Variants in FSIP1 observed in about 807,000 individuals in gnomAD.
FSIP1 encodes fibrous sheath interacting protein 1, also known as fibrous sheath-interacting protein 1.
Under a neutral mutation model 60.9 loss-of-function variants are expected in FSIP1, and 65 were observed. That is an observed-to-expected ratio of 1.07 (90% CI 0.87 to 1.31). The LOEUF is 1.31. Ranked by LOEUF, FSIP1 falls within the 40% of genes most tolerant of loss-of-function variation. The probability of loss-of-function intolerance (pLI) is 0.00; values close to 1 mark genes in which losing one functional copy is unlikely to be tolerated. For missense variants in FSIP1, 675 were observed against 665.5 expected, an observed-to-expected ratio of 1.01 and a Z score of -0.16; for synonymous variants, 209 against 221.2, an observed-to-expected ratio of 0.94 and a Z score of 0.49.
At chr15:39,706,848 T>C (rs939908499) in intron 10 of FSIP1, among the ~76,000 whole-genome samples, 15 of 152,244 alleles carry the variant, frequency 9.9e-5, no homozygotes, top group South Asian at 6.2e-4. Context: ...ACACTGATCA[T>C]TGTCTTCTGC....
chr15:39,771,624 C>G (rs556791672), intron 2 of FSIP1, among the ~76,000 whole-genome samples: 1 of 152,272 alleles, frequency 6.6e-6, no homozygotes, highest in Non-Finnish European at 1.5e-5. Context: ...TCATGGCCTG[C>G]CTCATTCGCT....
chr15:39,725,851 A>G (rs940296576), intron 9 of FSIP1, among the ~76,000 whole-genome samples: 1 of 151,078 alleles, frequency 6.6e-6, no homozygotes, highest in Non-Finnish European at 1.5e-5. Flanking sequence ...GCGGCACTAT[A>G]TCAGCTCACT....
At chr15:39,653,562 T>C (rs1254567834) in intron 10 of FSIP1, among the ~76,000 whole-genome samples, 1 of 152,230 alleles carries the variant, frequency 6.6e-6, no homozygotes. Flanking sequence ...TTTGGCTCTA[T>C]GTTCCTGCCC....
At chr15:39,608,650 C>T (rs1890913855) in intron 11 of FSIP1, among the ~76,000 whole-genome samples, 1 of 152,128 alleles carries the variant, frequency 6.6e-6, no homozygotes, top group African/African-American at 2.4e-5. Context: ...GCAAACCACA[C>T]CCATCTAACT....
chr15:39,706,599 C>A (rs970628253), intron 10 of FSIP1, among the ~76,000 whole-genome samples: 1 of 152,114 alleles, frequency 6.6e-6, no homozygotes. Flanking sequence ...TGTTTATAGA[C>A]ACAACATATG....
chr15:39,766,183 A>C (rs1399876969), intron 3 of FSIP1, among the ~76,000 whole-genome samples: 3 of 152,252 alleles, frequency 2.0e-5, no homozygotes, highest in Non-Finnish European at 2.9e-5. Context: ...AAATGGCTAC[A>C]GTAGAAAGCC....
chr15:39,626,590 T>C (rs1891648627), intron 10 of FSIP1, among the ~76,000 whole-genome samples: 1 of 152,038 alleles, frequency 6.6e-6, no homozygotes, highest in African/African-American at 2.4e-5. Context: ...ACAGGGGTGG[T>C]TTCCCCCATG....
chr15:39,752,283 G>A (rs921664207), intron 5 of FSIP1, among the ~76,000 whole-genome samples: 3 of 151,876 alleles, frequency 2.0e-5, no homozygotes, highest in Non-Finnish European at 4.4e-5. Flanking sequence ...TGGTAAGTTA[G>A]AGATCCAGTT....
intron 10 of FSIP1, among the ~76,000 whole-genome samples, chr15:39,633,117 G>T (rs1335837670): frequency 1.1e-5 from 1 of 91,762 alleles, no homozygotes; most frequent in African/African-American, 5.4e-5. Context: ...TTTTTGAGAT[G>T]GAATCTTGCT....
intron 8 of FSIP1, among the ~76,000 whole-genome samples, chr15:39,732,908 T>C (rs918248139): frequency 2.6e-5 from 4 of 152,210 alleles, no homozygotes; most frequent in Non-Finnish European, 5.9e-5. Context: ...TCCTAAACTT[T>C]TCCTGCGGCA....
chr15:39,685,046 G>A (rs1383386952), intron 10 of FSIP1, among the ~76,000 whole-genome samples: 1 of 152,142 alleles, frequency 6.6e-6, no homozygotes, highest in African/African-American at 2.4e-5. Context: ...CTATTTTTGT[G>A]TATTTTTCTC....
chr15:39,778,950 TAGTA>T (rs1898155263), intron 1 of FSIP1, among the ~76,000 whole-genome samples: 3 of 152,198 alleles, frequency 2.0e-5, no homozygotes, highest in East Asian at 3.9e-4. Flanking sequence ...ATTAATGACT[TAGTA>T]AGCGTGATAC....
intron 10 of FSIP1, among the ~76,000 whole-genome samples, chr15:39,656,339 T>C (rs1893068834): frequency 6.6e-6 from 1 of 152,204 alleles, no homozygotes; most frequent in Admixed American, 6.5e-5. Flanking sequence ...AGGTGTACAA[T>C]ATTCCTTATA....
At chr15:39,663,618 A>C (rs1261832283) in intron 10 of FSIP1, among the ~76,000 whole-genome samples, 2 of 152,180 alleles carry the variant, frequency 1.3e-5, no homozygotes, top group East Asian at 3.8e-4. Flanking sequence ...AAGGTTAGGA[A>C]TGAAAATGGA....
At chr15:39,771,596 T>C (rs553986892) in intron 2 of FSIP1, among the ~76,000 whole-genome samples, 13 of 152,328 alleles carry the variant, frequency 8.5e-5, no homozygotes, top group Admixed American at 3.3e-4. Flanking sequence ...CCATCATTTA[T>C]TGAAGAATTA....
chr15:39,668,352 A>C (rs1480512695), intron 10 of FSIP1, among the ~76,000 whole-genome samples: 1 of 152,126 alleles, frequency 6.6e-6, no homozygotes, highest in Admixed American at 6.5e-5. Context: ...CCCACCTTGC[A>C]GAAGCAATTT....
chr15:39,615,666 T>A (rs1448812995), intron 11 of FSIP1, among the ~76,000 whole-genome samples: 1 of 148,110 alleles, frequency 6.8e-6, no homozygotes, highest in African/African-American at 2.5e-5. Context: ...GGTGGGCAGA[T>A]CAAGAGGTGA....
chr15:39,713,412 TA>T (rs750117823), intron 10 of FSIP1, 31 bp downstream of exon 10: 18 of 1,563,008 alleles, frequency 1.2e-5, no homozygotes, highest in Admixed American at 4.0e-5. Context: ...ATTTTTTTCT[TA>T]AAAAAAATTA....
chr15:39,611,108 C>A (rs1311072585), intron 11 of FSIP1, among the ~76,000 whole-genome samples: 5 of 152,096 alleles, frequency 3.3e-5, no homozygotes, highest in Non-Finnish European at 7.3e-5. Flanking sequence ...AAGGAATTTT[C>A]TCTGTATTAT....
Sources: gnomAD v4.1 joint callset for allele counts (sites outside exome capture counted in the v4.1 genomes callset) on GRCh38, gnomAD v4.1.1 for gene constraint, MANE v1.5 for transcripts, NCBI Gene and HGNC (gene_info 2026-07-23, HGNC 2026-07-21) for gene names.